The following TBC1D16 variants were observed in gnomAD, a reference collection of about 807,000 sequenced individuals.
TBC1D16 encodes CTD-2529O21.1.
In TBC1D16, 58 loss-of-function variants were observed where a neutral mutation model predicts 74.7. The observed-to-expected ratio is 0.78, with a 90% CI of 0.63 to 0.97. TBC1D16 has a LOEUF of 0.97. Among genes scored for constraint, TBC1D16 ranks in the 50% least tolerant of loss-of-function variants. The probability of loss-of-function intolerance (pLI) is 0.00; values close to 1 mark genes in which losing one functional copy is unlikely to be tolerated. For synonymous variants in TBC1D16, 493 were observed against 474.7 expected, an observed-to-expected ratio of 1.04 and a Z score of -0.50; for missense variants, 1,014 against 1,079.5, an observed-to-expected ratio of 0.94 and a Z score of 0.85.
chr17:79,952,784 G>A lies in TBC1D16; in HGVS notation c.814C>T (p.Pro272Ser). The A allele has an allele frequency of 1.9e-6, 3 of 1,611,488 alleles. No individual in the cohort carries two copies. The highest frequency in any genetic ancestry group is 1.7e-6 in the Non-Finnish European group (2 of 1,178,964). Reference protein sequence around the residue: ...PSSSDAGLRFPDSNGLLQTPR... With the variant: ...PSSSDAGLRFSDSNGLLQTPR... ...GTCTGCAGGAGGCCGTTGCTGTCCG[G>A]GAACCGCAGGCCGGCGTCGGAGCTG... The change falls in exon 4 of 12, where the codon CCG (proline) becomes TCG (serine). Residue 272 changes from proline to serine, a missense_variant. Transcript: ENST00000310924.
At chr17:79,999,793 C>T (rs559281801) in intron 3 of TBC1D16, among the ~76,000 whole-genome samples, 14 of 152,190 alleles carry the variant, frequency 9.2e-5, no homozygotes, top group Middle Eastern at 3.4e-3. Context: ...ATCCGCCCGC[C>T]TTGGGCTCTC....
chr17:80,017,670 G>A (rs1472016380), intron 1 of TBC1D16, among the ~76,000 whole-genome samples: 3 of 105,894 alleles, frequency 2.8e-5, no homozygotes, highest in Non-Finnish European at 3.5e-5. Flanking sequence ...GACAGAGCAA[G>A]ACTCCATCTC....
chr17:79,941,120 G>T lies in TBC1D16; in HGVS notation c.2056-13C>A. ...GCAAACTCCTCGCCTGCAGACAGAGGACGGGGGGTGAGGAGGGGCCGGGGG... is the reference window on the plus strand; with the variant it reads ...GCAAACTCCTCGCCTGCAGACAGAGTACGGGGGGTGAGGAGGGGCCGGGGG... On this transcript the variant is annotated splice_polypyrimidine_tract_variant and intron_variant, in intron 11 of 11. Coordinates refer to ENST00000310924, the MANE Select transcript of TBC1D16 (RefSeq NM_019020.4). This position sits in a 1 kb window ranked among gnomAD's most constrained non-coding sequence, Gnocchi z 4.3. 1 of 1,553,148 alleles carries T rather than the reference G, an allele frequency of 6.4e-7. No individual in the cohort carries two copies.
chr17:79,957,045 C>T (rs79254303), intron 3 of TBC1D16, among the ~76,000 whole-genome samples: 3 of 152,150 alleles, frequency 2.0e-5, no homozygotes, highest in African/African-American at 7.2e-5. Context: ...GGGCCCTCCA[C>T]CCGTGACTGC....
At chr17:79,953,799 T>G (rs893655676) in intron 3 of TBC1D16, among the ~76,000 whole-genome samples, 5 of 151,738 alleles carry the variant, frequency 3.3e-5, no homozygotes, top group Non-Finnish European at 5.9e-5. Flanking sequence ...TGAGACGGAG[T>G]CTCGCTCTGT....
At position 80,009,559 on chromosome 17, in the gene TBC1D16, G is replaced by A. The variant is rs1018046448; in HGVS notation, c.779+601C>T. The stretch of plus-strand genomic sequence containing the variant: ...GGCTGGACTCCCCAGGGTGCATAGC[G>A]GCTGCCAAGTCGGGTGAATATGGTC... On this transcript the variant is annotated intron_variant, in intron 3 of 11. Coordinates refer to ENST00000310924, the MANE Select transcript of TBC1D16 (RefSeq NM_019020.4). This position sits in a 1 kb window ranked among gnomAD's most constrained non-coding sequence, Gnocchi z 5.4. Among the ~76,000 whole-genome samples the A allele has an allele frequency of 1.8e-4, 27 of 152,338 alleles. No homozygotes were observed. The highest frequency in any genetic ancestry group is 3.5e-4 in the Non-Finnish European group (24 of 68,030).
chr17:79,967,093 A>T (rs944447352), intron 3 of TBC1D16, among the ~76,000 whole-genome samples: 9 of 151,970 alleles, frequency 5.9e-5, no homozygotes, highest in Non-Finnish European at 1.0e-4. Context: ...CAACAACTAT[A>T]AAAAAAACCC....
intron 4 of TBC1D16, 115 bp downstream of exon 4, chr17:79,952,542 C>A: frequency 7.5e-7 from 1 of 1,326,866 alleles, no homozygotes; most frequent in Non-Finnish European, 1.0e-6. Flanking sequence ...CTTGGGAAGA[C>A]TCCATCCAGG....
rs12453879 is a variant in TBC1D16 at position 79,994,713 on chromosome 17, T to C, written c.779+15447A>G. 1 allele frequency among the ~76,000 whole-genome samples: 152,180 copies of C among 152,276 alleles called. 76,044 individuals carry two copies. Among genetic ancestry groups the C allele is most frequent in the Middle Eastern group, 1 (294 of 294 alleles). The stretch of plus-strand genomic sequence containing the variant: ...TGCTGGGATTACAGGCGTGAGCCAT[T>C]GCGCCCGGCCGAGAATGTTTTTTCA... On this transcript the variant is annotated intron_variant, in intron 3 of 11. Transcript: ENST00000310924. This position sits in a 1 kb window ranked among gnomAD's most constrained non-coding sequence, Gnocchi z 4.6.
rs2031560748 is a variant in TBC1D16 at position 79,935,959 on chromosome 17, GAC to G, written c.*4898_*4899del. ...ATGCTACCTTCCTACCCGGAAATGCGACACACTATACTTAAAAGGCCAGATGG... is the reference window on the plus strand; with the variant it reads ...ATGCTACCTTCCTACCCGGAAATGCGACACTATACTTAAAAGGCCAGATGG... On this transcript the variant is annotated 3_prime_UTR_variant, in exon 12 of 12. Transcript: ENST00000310924. 6.6e-6 allele frequency: 1 copy of G among 152,150 alleles called. No individual in the cohort carries two copies. Among genetic ancestry groups the G allele is most frequent in the Non-Finnish European group, 1.5e-5 (1 of 68,032 alleles). 9.4% of individuals were successfully genotyped at this position (152,150 alleles called of 1,614,324 possible).
rs549790920 is a variant in TBC1D16, at chr17:79,976,555, C to T, written c.780-23737G>A. Among the ~76,000 whole-genome samples, 150 of 152,268 alleles carry T rather than the reference C, an allele frequency of 9.9e-4. 3 individuals carry two copies. In the South Asian group the frequency reaches 0.028, roughly 28 times the overall value. ...TTCCCAACAAAGATGAGCTCAAAAG[C>T]GTGAGGGAAACACACCGTGCAAAGA... On this transcript the variant is annotated intron_variant, in intron 3 of 11. Transcript: ENST00000310924.
rs541318507 is a variant in TBC1D16, at chr17:79,952,803, G to A, written c.795C>T (p.Ser265=). The change falls in exon 4 of 12, where the codon TCC becomes TCT. Residue 265 remains serine, a synonymous_variant. Transcript: ENST00000310924. ...TGTCCGGGAACCGCAGGCCGGCGTCGGAGCTGGACGGGGGGCTGGTGGAAC... is the reference window on the plus strand; with the variant it reads ...TGTCCGGGAACCGCAGGCCGGCGTCAGAGCTGGACGGGGGGCTGGTGGAAC... ...LESDSSPPSS[S]DAGLRFPDSN... The A allele has an allele frequency of 1.8e-4, 288 of 1,609,168 alleles. 1 individual carries two copies. Among genetic ancestry groups the A allele is most frequent in the Middle Eastern group, 1.7e-4 (1 of 5,926 alleles).
chr17:79,950,257 TCA>T lies in TBC1D16; in HGVS notation c.1257+152_1257+153del, dbSNP rs1249052097. The stretch of plus-strand genomic sequence containing the variant: ...AGCTTTGATTGCTTTATCGGTGTGT[TCA>T]CAGAGAGCCTCACACAAGAAAACGG... On this transcript the variant is annotated intron_variant, in intron 6 of 11. Coordinates refer to ENST00000310924, the MANE Select transcript of TBC1D16 (RefSeq NM_019020.4). The surrounding 1 kb of genome is among the most constrained non-coding windows in gnomAD (Gnocchi z 4.6). Among the ~76,000 whole-genome samples the T allele has an allele frequency of 2.0e-5, 3 of 152,146 alleles. No individual in the cohort carries two copies. The highest frequency in any genetic ancestry group is 2.0e-4 in the Admixed American group (3 of 15,288).
At chr17:79,960,779 C>CAAAAAAAAAAAAAAA (rs746450905) in intron 3 of TBC1D16, among the ~76,000 whole-genome samples, 472 of 33,858 alleles carry the variant, frequency 0.014, 131 homozygotes, top group Middle Eastern at 0.079. Context: ...AACAAAAACC[C>CAAAAAAAAAAAAAAA]AAAAAAAAAA....
chr17:79,969,425 G>A (rs1015386984), intron 3 of TBC1D16, among the ~76,000 whole-genome samples: 106 of 152,080 alleles, frequency 7.0e-4, no homozygotes, highest in Non-Finnish European at 5.4e-4. Flanking sequence ...CAAAAACAAC[G>A]TTGAGATACC....
intron 1 of TBC1D16, among the ~76,000 whole-genome samples, chr17:80,013,854 C>A (rs915343899): frequency 1.3e-5 from 2 of 152,106 alleles, no homozygotes; most frequent in Admixed American, 1.3e-4. Context: ...CTTCCCAGTA[C>A]GAAAACTAGA....
At position 79,971,170 on chromosome 17, in the gene TBC1D16, G is replaced by C. The variant is rs1245334130; in HGVS notation, c.780-18352C>G. Among the ~76,000 whole-genome samples, 1 of 151,980 alleles carries C rather than the reference G, an allele frequency of 6.6e-6. No homozygotes were observed. The highest frequency in any genetic ancestry group is 2.4e-5 in the African/African-American group (1 of 41,366). On this transcript the variant is annotated intron_variant, in intron 3 of 11. Coordinates refer to ENST00000310924, the MANE Select transcript of TBC1D16 (RefSeq NM_019020.4). The surrounding 1 kb of genome is among the most constrained non-coding windows in gnomAD (Gnocchi z 4.6). ...CCTGAGTAGCTGGGATTACAGGCGT[G>C]CACCACCAAGCCCGGCTAATTTGTG...
chr17:80,016,010 C>CAAAAAAA (rs60327293), intron 1 of TBC1D16, among the ~76,000 whole-genome samples: 4 of 89,674 alleles, frequency 4.5e-5, no homozygotes, highest in African/African-American at 4.4e-5. Flanking sequence ...GACTCCATCT[C>CAAAAAAA]AAAAAAAAAA....
chr17:79,981,262 A>G lies in TBC1D16; in HGVS notation c.780-28444T>C, dbSNP rs1436394317. Among the ~76,000 whole-genome samples, 1 of 152,192 alleles carries G rather than the reference A, an allele frequency of 6.6e-6. No homozygotes were observed. The highest frequency in any genetic ancestry group is 1.5e-5 in the Non-Finnish European group (1 of 68,044). ...ACCAATGCACTGCTTGGCCCGGCTC[A>G]GAGGATTTGACGCAAACCAGGACTG... On this transcript the variant is annotated intron_variant, in intron 3 of 11. Transcript: ENST00000310924. This position sits in a 1 kb window ranked among gnomAD's most constrained non-coding sequence, Gnocchi z 6.9.
Sources: gnomAD v4.1 joint callset for allele counts (sites outside exome capture counted in the v4.1 genomes callset) on GRCh38, gnomAD v4.1.1 for gene constraint, Gnocchi (gnomAD v3.1) non-coding constraint, MANE v1.5 for transcripts, NCBI Gene and HGNC (gene_info 2026-07-23, HGNC 2026-07-21) for gene names.